The following MRPL45 variants were observed in gnomAD, a reference collection of about 807,000 sequenced individuals.
The protein encoded by MRPL45 is large ribosomal subunit protein mL45.
Under a neutral mutation model 38.1 loss-of-function variants are expected in MRPL45, and 20 were observed. The ratio of observed to expected loss-of-function variants is 0.53; its 90% CI spans 0.37 to 0.76. The LOEUF is 0.76. MRPL45 is among the 30% of genes least tolerant of loss of function. The pLI is 0.00. For synonymous variants in MRPL45, 105 were observed against 128.8 expected, an observed-to-expected ratio of 0.82 and a Z score of 1.25; for missense variants, 337 against 395.6, an observed-to-expected ratio of 0.85 and a Z score of 1.26.
intron 6 of MRPL45, among the ~76,000 whole-genome samples, chr17:38,321,477 G>C (rs1176916165): frequency 3.9e-5 from 6 of 152,052 alleles, no homozygotes; most frequent in African/African-American, 1.2e-4. Flanking sequence ...CAGATCACAA[G>C]GTCAGGAGTT....
intron 2 of MRPL45, 35 bp from the exon 3 acceptor site, chr17:38,299,316 A>T: frequency 7.0e-7 from 1 of 1,421,036 alleles, no homozygotes; most frequent in Non-Finnish European, 9.6e-7. Context: ...TCAATCTTTC[A>T]ACACTTTCTT....
In MRPL45 at chr17:38,320,651, C is replaced by G; in HGVS notation, c.544C>G (p.Arg182Gly). ...MTWDIKYKTV[R>G]WSFVESLEPS... ...TTGGGACATCAAATATAAGACCGTC[C>G]GCTGGAGCTTTGTGGAATCTTTAGA... is the stretch of plus-strand genomic sequence containing the variant. The change falls in exon 6 of 8, where the codon CGC becomes GGC. Residue 182 changes from arginine (R) to glycine (G), a missense_variant. Around this residue, in one of 3 missense-constraint regions of MRPL45, gnomAD observed 251 missense variants for 269.1 expected, o/e 0.93. Transcript: ENST00000613675. 3 of 1,614,124 alleles carry G rather than the reference C, an allele frequency of 1.9e-6. No individual in the cohort carries two copies. Among genetic ancestry groups the G allele is most frequent in the Non-Finnish European group, 2.5e-6 (3 of 1,180,040 alleles).
intron 6 of MRPL45, 120 bp from the exon 7 acceptor site, chr17:38,322,006 A>G (rs1364652235): frequency 3.0e-6 from 3 of 1,008,744 alleles, no homozygotes; most frequent in Non-Finnish European, 4.4e-6. Context: ...CACTCCAGCC[A>G]GGGCAACAGA....
intron 4 of MRPL45, among the ~76,000 whole-genome samples, chr17:38,313,589 A>G (rs1260766199): frequency 6.7e-6 from 1 of 148,736 alleles, no homozygotes; most frequent in Non-Finnish European, 1.5e-5. Flanking sequence ...TTTGCTTTGT[A>G]TTTCCCTAAT....
At chr17:38,312,115 C>T (rs2144223400) in intron 4 of MRPL45, among the ~76,000 whole-genome samples, 1 of 149,878 alleles carries the variant, frequency 6.7e-6, no homozygotes, top group East Asian at 2.0e-4. Context: ...GGCTCGATCT[C>T]CAGTCACTGC....
chr17:38,319,998 G>A (rs2037214158), intron 5 of MRPL45, among the ~76,000 whole-genome samples: 1 of 152,186 alleles, frequency 6.6e-6, no homozygotes, highest in South Asian at 2.1e-4. Context: ...AGCTACTCGG[G>A]AAGCTGAGGC....
intron 3 of MRPL45, among the ~76,000 whole-genome samples, chr17:38,302,443 C>T (rs920430814): frequency 2.9e-5 from 4 of 138,226 alleles, no homozygotes; most frequent in African/African-American, 7.9e-5. Flanking sequence ...GCCCAGATTG[C>T]ACCACTGCAT....
At chr17:38,315,707 C>G (rs1341283972) in intron 4 of MRPL45, among the ~76,000 whole-genome samples, 2 of 149,994 alleles carry the variant, frequency 1.3e-5, no homozygotes, top group Admixed American at 1.3e-4. Context: ...TGTCTTTCAT[C>G]AGATTTGGGA....
At chr17:38,320,864 C>A in intron 6 of MRPL45, 97 bp downstream of exon 6, 1 of 1,199,212 alleles carries the variant, frequency 8.3e-7, no homozygotes. Context: ...GGACTGTAGA[C>A]AGTAATAAAA....
intron 4 of MRPL45, 133 bp from the exon 5 acceptor site, chr17:38,318,554 T>TA (rs1410989496): frequency 3.5e-6 from 2 of 577,732 alleles, no homozygotes; most frequent in African/African-American, 3.7e-5. Flanking sequence ...GCATATTTTA[T>TA]ACCTGGCTTA....
intron 4 of MRPL45, among the ~76,000 whole-genome samples, chr17:38,316,704 C>G (rs1222331980): frequency 1.7e-5 from 2 of 117,632 alleles, no homozygotes; most frequent in East Asian, 5.8e-4. Flanking sequence ...GAATCTCACT[C>G]TGTAGCCCAG....
At position 38,322,919 on chromosome 17, in the gene MRPL45, T is replaced by C. The variant is rs1323949917; in HGVS notation, c.*324T>C. 1 of 269,548 alleles carries C rather than the reference T, an allele frequency of 3.7e-6. No homozygotes were observed. The highest frequency in any genetic ancestry group is 2.2e-5 in the African/African-American group (1 of 45,578). The allele number at this position is 269,548 out of a possible 1,614,324, so 16.7% of individuals were successfully genotyped here. On this transcript the variant is annotated 3_prime_UTR_variant, in exon 8 of 8. Coordinates refer to ENST00000613675, the MANE Select transcript of MRPL45 (RefSeq NM_032351.6). ...TGAGAGACAACCAGCAGCATCCTCTTTGTAATCACAGGGCAGGGATCAGAG... is the reference window on the plus strand; with the variant it reads ...TGAGAGACAACCAGCAGCATCCTCTCTGTAATCACAGGGCAGGGATCAGAG...
intron 4 of MRPL45, among the ~76,000 whole-genome samples, chr17:38,314,199 G>A (rs2037152757): frequency 6.6e-6 from 1 of 151,938 alleles, no homozygotes; most frequent in African/African-American, 2.4e-5. Flanking sequence ...CTGCCTCCTG[G>A]GTTCAAGCAA....
intron 3 of MRPL45, 105 bp from the exon 4 acceptor site, chr17:38,306,428 A>G (rs572802139): frequency 2.3e-6 from 3 of 1,317,176 alleles, no homozygotes; most frequent in East Asian, 5.1e-5. Context: ...AAAAAAAGCT[A>G]AACAGTTATT....
In MRPL45 at chr17:38,313,333, C is replaced by CGTAT. The variant is rs1230995888; in HGVS notation, c.462-5354_462-5353insGTAT. Among the ~76,000 whole-genome samples the CGTAT allele has an allele frequency of 1.0e-3, 18 of 17,264 alleles. 3 individuals carry two copies. The highest frequency in any genetic ancestry group is 3.6e-3 in the African/African-American group (16 of 4,408). 11.3% of individuals were successfully genotyped at this position (17,264 alleles called of 152,430 possible). A position where few individuals can be genotyped will look rare whatever the true frequency, so the allele number is the denominator to read the frequency against. On this transcript the variant is annotated intron_variant, in intron 4 of 7. Transcript: ENST00000613675. ...AAAAATATATATATATATATATATA[C>CGTAT]ATATATATATATACGTATATATATA...
intron 3 of MRPL45, among the ~76,000 whole-genome samples, chr17:38,301,390 G>A (rs532479372): frequency 1.3e-5 from 2 of 152,250 alleles, no homozygotes; most frequent in South Asian, 2.1e-4. Context: ...ACAGGCATGT[G>A]CCACCACGTC....
rs1555522229 is a variant in MRPL45, at chr17:38,319,001, A to T, written c.510+266A>T. On this transcript the variant is annotated intron_variant, in intron 5 of 7. Transcript: ENST00000613675. ...CGCCACCATGCCCAGCTAATTTTTT[A>T]TTTATTTATTTATTTATTTATTTAT... Among the ~76,000 whole-genome samples, 308 of 51,864 alleles carry T rather than the reference A, an allele frequency of 5.9e-3. 1 individual carries two copies. The highest frequency in any genetic ancestry group is 0.027 in the East Asian group (83 of 3,070). 34.0% of individuals were successfully genotyped at this position (51,864 alleles called of 152,430 possible). A position where few individuals can be genotyped will look rare whatever the true frequency, so the allele number is the denominator to read the frequency against.
In MRPL45 at chr17:38,314,766, A is replaced by G. The variant is rs546719809; in HGVS notation, c.462-3921A>G. ...AGGCCGGTCTCAAACTCCTGACCTC[A>G]GATGATCCACCCGCCTTGACCTCCC... On this transcript the variant is annotated intron_variant, in intron 4 of 7. Coordinates refer to ENST00000613675, the MANE Select transcript of MRPL45 (RefSeq NM_032351.6). 3.3e-3 allele frequency among the ~76,000 whole-genome samples: 506 copies of G among 152,230 alleles called. 2 individuals carry two copies. The highest frequency in any genetic ancestry group is 5.5e-3 in the Non-Finnish European group (373 of 68,008).
chr17:38,317,020 T>A (rs532187261), intron 4 of MRPL45, among the ~76,000 whole-genome samples: 3 of 152,106 alleles, frequency 2.0e-5, no homozygotes, highest in East Asian at 3.9e-4. Flanking sequence ...ATGGTCTTGA[T>A]CTCCTGACCT....
Sources: gnomAD v4.1 joint callset for allele counts (sites outside exome capture counted in the v4.1 genomes callset) on GRCh38, gnomAD v4.1.1 for gene constraint, gnomAD v4.1.1 regional missense constraint, MANE v1.5 for transcripts, NCBI Gene and HGNC (gene_info 2026-07-23, HGNC 2026-07-21) for gene names.